Variants in NEK11 observed in about 807,000 individuals in gnomAD.
NEK11 encodes the protein serine/threonine-protein kinase Nek11.
NEK11 carries 72 observed loss-of-function variants against 80.7 expected under a neutral mutation model. That is an observed-to-expected ratio of 0.89 (90% CI 0.74 to 1.08). The LOEUF is 1.08. Among genes scored for constraint, NEK11 ranks in the 50% least tolerant of loss-of-function variants. The pLI is 0.00. For synonymous variants in NEK11, 251 were observed against 260.7 expected (o/e 0.96, Z 0.36); for missense variants, 764 against 763.6 (o/e 1.00, Z -0.01).
intron 17 of NEK11, among the ~76,000 whole-genome samples, chr3:131,347,628 T>G (rs1278476554): frequency 6.6e-6 from 1 of 152,054 alleles, no homozygotes; most frequent in African/African-American, 2.4e-5. Context: ...CTTCAAAAAT[T>G]GTGAAAAAAG....
At chr3:131,337,552 A>C (rs1425260634) in intron 17 of NEK11, among the ~76,000 whole-genome samples, 1 of 152,060 alleles carries the variant, frequency 6.6e-6, no homozygotes, top group Non-Finnish European at 1.5e-5. Flanking sequence ...CCAGCATGGC[A>C]CATGTATACA....
chr3:131,098,825 G>GT (rs57251382), intron 4 of NEK11, among the ~76,000 whole-genome samples: 27,702 of 146,276 alleles, frequency 0.19, 2,602 homozygotes, highest in Middle Eastern at 0.23. Flanking sequence ...ACTTTTAAAT[G>GT]TTTTTTTTTT....
At chr3:131,092,982 C>G (rs1439287446) in intron 4 of NEK11, 1 of 152,302 alleles carries the variant, frequency 6.6e-6, no homozygotes, top group East Asian at 1.9e-4. Flanking sequence ...TGTTCAGTTT[C>G]CAGTTGCTTA....
intron 3 of NEK11, among the ~76,000 whole-genome samples, chr3:131,041,092 C>T (rs1455175388): frequency 2.0e-5 from 3 of 152,120 alleles, no homozygotes; most frequent in East Asian, 1.9e-4. Flanking sequence ...GGGATAATAT[C>T]GGCCAATCCA....
chr3:131,067,553 C>G (rs1470658985), intron 3 of NEK11, among the ~76,000 whole-genome samples: 1 of 152,094 alleles, frequency 6.6e-6, no homozygotes, highest in Non-Finnish European at 1.5e-5. Flanking sequence ...AGCAATAGTA[C>G]TAATAGTAAT....
chr3:131,183,959 T>C (rs987280619), intron 14 of NEK11, among the ~76,000 whole-genome samples: 7 of 152,176 alleles, frequency 4.6e-5, no homozygotes, highest in Non-Finnish European at 7.3e-5. Context: ...GTTTCTCGAC[T>C]TTTTATAATC....
At chr3:131,245,599 A>G (rs1580802659) in intron 16 of NEK11, among the ~76,000 whole-genome samples, 1 of 152,178 alleles carries the variant, frequency 6.6e-6, no homozygotes, top group African/African-American at 2.4e-5. Context: ...TATCCTCATC[A>G]ACATCTGTTA....
chr3:131,058,042 A>G (rs2069959741), intron 3 of NEK11, among the ~76,000 whole-genome samples: 3 of 151,628 alleles, frequency 2.0e-5, no homozygotes, highest in South Asian at 4.1e-4. Context: ...TAAGTCTTTA[A>G]TCCATCTTGA....
At chr3:131,226,606 T>G (rs1269687466) in intron 14 of NEK11, among the ~76,000 whole-genome samples, 1 of 152,140 alleles carries the variant, frequency 6.6e-6, no homozygotes, top group Non-Finnish European at 1.5e-5. Context: ...ATGTTCTCAC[T>G]TATAAGTGGG....
intron 16 of NEK11, among the ~76,000 whole-genome samples, chr3:131,260,173 G>A (rs2095889334): frequency 6.6e-6 from 1 of 152,080 alleles, no homozygotes; most frequent in Admixed American, 6.6e-5. Flanking sequence ...TTTTAGAGGG[G>A]AAGTTCTGTC....
chr3:131,238,410 C>A (rs1580699411), intron 15 of NEK11, among the ~76,000 whole-genome samples: 2 of 151,994 alleles, frequency 1.3e-5, no homozygotes, highest in Non-Finnish European at 2.9e-5. Context: ...AGAACAAATA[C>A]TTAGTAGATA....
chr3:131,115,904 T>TTCTC (rs2080957022), intron 5 of NEK11, among the ~76,000 whole-genome samples: 5 of 29,828 alleles, frequency 1.7e-4, no homozygotes, highest in African/African-American at 4.4e-4. Context: ...AGGTAGTGTT[T>TTCTC]TCTTTCTTTC....
chr3:131,171,086 C>T (rs1396569240), intron 14 of NEK11, among the ~76,000 whole-genome samples, 199 bp downstream of exon 14: 1 of 152,050 alleles, frequency 6.6e-6, no homozygotes, highest in African/African-American at 2.4e-5. Context: ...ATCTTCTTTG[C>T]AATAGTGAGG....
intron 14 of NEK11, among the ~76,000 whole-genome samples, chr3:131,189,932 A>G (rs138089694): frequency 1.2e-3 from 180 of 152,344 alleles, no homozygotes; most frequent in African/African-American, 4.1e-3. Context: ...TTAAAGGCTT[A>G]CAGAATATTT....
chr3:131,190,944 G>C (rs1011690782), intron 14 of NEK11, among the ~76,000 whole-genome samples: 1 of 152,092 alleles, frequency 6.6e-6, no homozygotes, highest in African/African-American at 2.4e-5. Flanking sequence ...TTCTTTAACA[G>C]CAGGAAATCA....
intron 10 of NEK11, among the ~76,000 whole-genome samples, chr3:131,159,680 G>T (rs1360365221): frequency 1.3e-5 from 2 of 152,082 alleles, no homozygotes; most frequent in Non-Finnish European, 2.9e-5. Context: ...CAGGAGAATC[G>T]CTTGAACCTG....
intron 3 of NEK11, among the ~76,000 whole-genome samples, chr3:131,057,385 A>T (rs1271520113): frequency 1.3e-5 from 2 of 152,076 alleles, no homozygotes; most frequent in East Asian, 1.9e-4. Flanking sequence ...TGATTTGTAG[A>T]CCTTTGGGTA....
intron 3 of NEK11, among the ~76,000 whole-genome samples, chr3:131,074,826 G>C (rs2036992281): frequency 6.6e-6 from 1 of 152,102 alleles, no homozygotes; most frequent in Non-Finnish European, 1.5e-5. Flanking sequence ...CCCACCCCCA[G>C]CTCTATTTTA....
chr3:131,336,469 A>G (rs2097186120), intron 17 of NEK11, among the ~76,000 whole-genome samples: 1 of 152,236 alleles, frequency 6.6e-6, no homozygotes, highest in African/African-American at 2.4e-5. Context: ...AAATTAATTC[A>G]AGATGGTTTA....
Sources: gnomAD v4.1 joint callset for allele counts (sites outside exome capture counted in the v4.1 genomes callset) on GRCh38, gnomAD v4.1.1 for gene constraint, MANE v1.5 for transcripts, NCBI Gene and HGNC (gene_info 2026-07-23, HGNC 2026-07-21) for gene names.